Variants in DBT observed in about 807,000 individuals in gnomAD.
DBT encodes the protein lipoamide acyltransferase component of branched-chain alpha-keto acid dehydrogenase complex, mitochondrial.
A neutral mutation model predicts 51.3 loss-of-function variants in DBT; 40 were observed. The ratio of observed to expected loss-of-function variants is 0.78; its 90% CI spans 0.61 to 1.02. The LOEUF is 1.02. DBT is among the 50% of genes least tolerant of loss of function. The pLI, the probability that DBT is intolerant of heterozygous loss-of-function variation, is 0.00. For synonymous variants in DBT, 181 were observed against 190.4 expected (o/e 0.95, Z 0.41); for missense variants, 510 against 580.2 (o/e 0.88, Z 1.24).
At chr1:100,209,606 C>T (rs555437165) in intron 8 of DBT, among the ~76,000 whole-genome samples, 3 of 151,502 alleles carry the variant, frequency 2.0e-5, no homozygotes, top group South Asian at 4.2e-4. Flanking sequence ...TTGTCGCCCA[C>T]GCTGGAGTGC....
At chr1:100,201,712 A>G (rs138228273) in intron 10 of DBT, among the ~76,000 whole-genome samples, 3,965 of 152,320 alleles carry the variant, frequency 0.026, 192 homozygotes, top group African/African-American at 0.09. Flanking sequence ...ATCTCTCGGC[A>G]GAAACTCTAC....
chr1:100,206,369 G>C, intron 9 of DBT, 68 bp from the exon 10 acceptor site: 2 of 1,559,708 alleles, frequency 1.3e-6, no homozygotes, highest in Non-Finnish European at 8.8e-7. Flanking sequence ...AATGCCAAGT[G>C]ACTTTTCTAT....
Position 100,218,930 on chromosome 1 carries a change from A to AGT in DBT, c.434-185_434-184dup, listed in dbSNP as rs1293601865. Among the ~76,000 whole-genome samples, 98 of 26,822 alleles carry AGT rather than the reference A, an allele frequency of 3.7e-3. 1 individual carries two copies. Among genetic ancestry groups the AGT allele is most frequent in the African/African-American group, 8.2e-3 (96 of 11,650 alleles). The allele number at this position is 26,822 out of a possible 152,430, so 17.6% of individuals were successfully genotyped here. The stretch of plus-strand genomic sequence containing the variant: ...ACAACTATCCTAATGGTATGGGTAG[A>AGT]GTGGGGGGGGGGGTGTGTGCCGGTA... On this transcript the variant is annotated intron_variant, in intron 4 of 10. Transcript: ENST00000370132.
At chr1:100,248,064 T>A (rs531847859) in intron 1 of DBT, among the ~76,000 whole-genome samples, 1 of 149,474 alleles carries the variant, frequency 6.7e-6, no homozygotes, top group Non-Finnish European at 1.5e-5. Context: ...ATCGCACCAC[T>A]GTACTCCAGC....
Position 100,203,345 on chromosome 1 carries a change from T to G in DBT, c.1281+2885A>C, listed in dbSNP as rs1024242470. ...ACCTCTTCACATATAAACTAGAAAA[T>G]CTAGAAGAAATGGATAAATTGCTGG... On this transcript the variant is annotated intron_variant, in intron 10 of 10. Transcript: ENST00000370132. Among the ~76,000 whole-genome samples the G allele has an allele frequency of 3.3e-5, 5 of 152,192 alleles. No homozygotes were observed. The South Asian group carries it at 6.2e-4, about 19-fold the overall frequency.
At chr1:100,248,713 G>A (rs1209444266) in intron 1 of DBT, among the ~76,000 whole-genome samples, 1 of 152,220 alleles carries the variant, frequency 6.6e-6, no homozygotes, top group Non-Finnish European at 1.5e-5. Flanking sequence ...GCTCTAGAAA[G>A]AAGAGAGACC....
chr1:100,197,734 CCAAAGAG>C (rs1235665665), intron 10 of DBT, among the ~76,000 whole-genome samples: 1 of 152,144 alleles, frequency 6.6e-6, no homozygotes, highest in African/African-American at 2.4e-5. Context: ...AGAAAGTTTT[CCAAAGAG>C]GTTGGATTGA....
chr1:100,188,761 A>T lies in DBT; in HGVS notation c.*7494T>A, dbSNP rs1163175982. On this transcript the variant is annotated 3_prime_UTR_variant, in exon 11 of 11. Coordinates refer to ENST00000370132, the MANE Select transcript of DBT (RefSeq NM_001918.5). ...GGTACTCCATAAAAGCCTGATATAG[A>T]TGACCTCTCTATAACAGAACTGCAA... is the stretch of plus-strand genomic sequence containing the variant. 6.6e-6 allele frequency: 1 copy of T among 152,176 alleles called. No homozygotes were observed. The highest frequency in any genetic ancestry group is 2.4e-5 in the African/African-American group (1 of 41,436). 9.4% of individuals were successfully genotyped at this position (152,176 alleles called of 1,614,324 possible). A position where few individuals can be genotyped will look rare whatever the true frequency, so the allele number is the denominator to read the frequency against.
At chr1:100,246,182 C>T (rs796970908) in intron 1 of DBT, among the ~76,000 whole-genome samples, 1 of 152,016 alleles carries the variant, frequency 6.6e-6, no homozygotes, top group Non-Finnish European at 1.5e-5. Flanking sequence ...CGCTTGAACC[C>T]GGGAGGCGGA....
At chr1:100,201,448 A>G (rs1661429936) in intron 10 of DBT, among the ~76,000 whole-genome samples, 1 of 152,196 alleles carries the variant, frequency 6.6e-6, no homozygotes, top group Admixed American at 6.5e-5. Flanking sequence ...TGAAAATGAC[A>G]GGGAGAATGG....
rs1427452601 is a variant in DBT at position 100,191,576 on chromosome 1, T to C, written c.*4679A>G. On this transcript the variant is annotated 3_prime_UTR_variant, in exon 11 of 11. Transcript: ENST00000370132. ...TGCCCATAAAAAAATTCTCCCAGATTCCCATTCTCGATCCATGTAGTTGAA... is the reference window on the plus strand; with the variant it reads ...TGCCCATAAAAAAATTCTCCCAGATCCCCATTCTCGATCCATGTAGTTGAA... 1 of 152,150 alleles carries C rather than the reference T, an allele frequency of 6.6e-6. No homozygotes were observed. Among genetic ancestry groups the C allele is most frequent in the East Asian group, 1.9e-4 (1 of 5,198 alleles). 9.4% of individuals were successfully genotyped at this position (152,150 alleles called of 1,614,324 possible). A position where few individuals can be genotyped will look rare whatever the true frequency, so the allele number is the denominator to read the frequency against.
At chr1:100,208,189 A>T (rs945400203) in intron 8 of DBT, among the ~76,000 whole-genome samples, 1 of 152,204 alleles carries the variant, frequency 6.6e-6, no homozygotes, top group Non-Finnish European at 1.5e-5. Flanking sequence ...CAAAAATGTT[A>T]AAAATATTGT....
At chr1:100,236,839 G>A (rs1292934068) in intron 2 of DBT, among the ~76,000 whole-genome samples, 2 of 152,176 alleles carry the variant, frequency 1.3e-5, no homozygotes, top group African/African-American at 4.8e-5. Flanking sequence ...AAATGTGATG[G>A]TTCATGGCAA....
At chr1:100,222,660 C>T (rs1185361349) in intron 4 of DBT, among the ~76,000 whole-genome samples, 3 of 152,146 alleles carry the variant, frequency 2.0e-5, no homozygotes, top group Non-Finnish European at 2.9e-5. Flanking sequence ...AACCAATCAA[C>T]AATACAAGTT....
At chr1:100,225,216 A>G (rs972434357) in intron 4 of DBT, among the ~76,000 whole-genome samples, 1 of 150,592 alleles carries the variant, frequency 6.6e-6, no homozygotes, top group African/African-American at 2.4e-5. Flanking sequence ...CTCCTTTCCA[A>G]CCCTTCCTAC....
At position 100,190,409 on chromosome 1, in the gene DBT, C is replaced by T. The variant is rs1660756331; in HGVS notation, c.*5846G>A. 1 of 152,200 alleles carries T rather than the reference C, an allele frequency of 6.6e-6. No individual in the cohort carries two copies. The highest frequency in any genetic ancestry group is 2.4e-5 in the African/African-American group (1 of 41,436). 9.4% of individuals were successfully genotyped at this position (152,200 alleles called of 1,614,324 possible). ...GTTACAAATAAATGACATGGCTCTA[C>T]CTAACTGCAGGCTGAAAGAAAAGGA... On this transcript the variant is annotated 3_prime_UTR_variant, in exon 11 of 11. Coordinates refer to ENST00000370132, the MANE Select transcript of DBT (RefSeq NM_001918.5).
rs1660789717 is a variant in DBT at position 100,191,219 on chromosome 1, C to T, written c.*5036G>A. The T allele has an allele frequency of 6.6e-6, 1 of 152,186 alleles. No individual in the cohort carries two copies. Among genetic ancestry groups the T allele is most frequent in the East Asian group, 1.9e-4 (1 of 5,204 alleles). 9.4% of individuals were successfully genotyped at this position (152,186 alleles called of 1,614,324 possible). A position where few individuals can be genotyped will look rare whatever the true frequency, so the allele number is the denominator to read the frequency against. On this transcript the variant is annotated 3_prime_UTR_variant, in exon 11 of 11. Transcript: ENST00000370132. ...AGAGAATACTGAAGTTAGTAATTCA[C>T]ATTTTGACAGCATCAGTTGAACTGT...
At position 100,243,831 on chromosome 1, in the gene DBT, G is replaced by A. The variant is rs569578397; in HGVS notation, c.52-2947C>T. Among the ~76,000 whole-genome samples, 16 of 151,468 alleles carry A rather than the reference G, an allele frequency of 1.1e-4. No individual in the cohort carries two copies. In the South Asian group the frequency reaches 2.9e-3, roughly 28 times the overall value. ...TCCCTAATTTCAAAGAGTTTACAAC[G>A]TATGTGAGAAAATAAACACACATAC... On this transcript the variant is annotated intron_variant, in intron 1 of 10. Coordinates refer to ENST00000370132, the MANE Select transcript of DBT (RefSeq NM_001918.5).
At chr1:100,218,881 T>A (rs1662650220) in intron 4 of DBT, 134 bp from the exon 5 acceptor site, 1 of 639,642 alleles carries the variant, frequency 1.6e-6, no homozygotes, top group South Asian at 1.8e-5. Context: ...GTATAAAAGT[T>A]GAACTACTTC....
Sources: gnomAD v4.1 joint callset for allele counts (sites outside exome capture counted in the v4.1 genomes callset) on GRCh38, gnomAD v4.1.1 for gene constraint, MANE v1.5 for transcripts, NCBI Gene and HGNC (gene_info 2026-07-23, HGNC 2026-07-21) for gene names.